The following GLMN variants were observed in gnomAD, a reference collection of about 807,000 sequenced individuals.
GLMN encodes the protein glomulin, FKBP associated protein.
A neutral mutation model predicts 87.8 loss-of-function variants in GLMN; 75 were observed. That is an observed-to-expected ratio of 0.85 (90% CI 0.71 to 1.04). GLMN has a LOEUF of 1.04. GLMN is among the 50% of genes least tolerant of loss of function. The pLI, the probability that GLMN is intolerant of heterozygous loss-of-function variation, is 0.00. For synonymous variants in GLMN, 206 were observed against 221.6 expected (o/e 0.93, Z 0.63); for missense variants, 588 against 658.8 (o/e 0.89, Z 1.18).
At position 92,291,535 on chromosome 1, in the gene GLMN, G is replaced by A. The variant is rs1649409300; in HGVS notation, c.168C>T (p.Val56=). 6.2e-7 allele frequency: 1 copy of A among 1,613,346 alleles called. No individual in the cohort carries two copies. The highest frequency in any genetic ancestry group is 1.3e-5 in the African/African-American group (1 of 74,872). Residue 56 remains valine, a splice_region_variant and synonymous_variant, in exon 4 of 19, where the codon GTC becomes GTT. Coordinates refer to ENST00000370360, the MANE Select transcript of GLMN (RefSeq NM_053274.3). ...LEIIQNEKNK[V]IIKNMGWNLV... ...GATTCCAGCCCATATTCTTGATGAT[G>A]ACCTGTAAAAACATTTTCAGAGTAA...
chr1:92,302,792 G>A (rs1650957323), upstream of GLMN, among the ~76,000 whole-genome samples: 2 of 151,388 alleles, frequency 1.3e-5, no homozygotes, highest in Admixed American at 1.3e-4. Context: ...AGTAGAGATG[G>A]GATTTCACTG....
chr1:92,343,107 T>G, the GLMN span, among the ~76,000 whole-genome samples: 1 of 151,214 alleles, frequency 6.6e-6, no homozygotes, highest in African/African-American at 2.4e-5. Context: ...AGAAGAGACC[T>G]AAGGCCAGAG....
chr1:92,343,000 T>C, the GLMN span, among the ~76,000 whole-genome samples: 3 of 152,194 alleles, frequency 2.0e-5, no homozygotes, highest in African/African-American at 7.2e-5. Flanking sequence ...AGACTAGAGC[T>C]AATACATTTG....
intron 16 of GLMN, among the ~76,000 whole-genome samples, chr1:92,251,954 C>T (rs938126186): frequency 1.3e-5 from 2 of 151,946 alleles, no homozygotes; most frequent in East Asian, 3.9e-4. Flanking sequence ...TGCCACCATG[C>T]CCAGCTAATT....
the GLMN span, among the ~76,000 whole-genome samples, chr1:92,356,381 A>G: frequency 6.6e-6 from 1 of 152,016 alleles, no homozygotes; most frequent in Non-Finnish European, 1.5e-5. Flanking sequence ...CATTTAAGGA[A>G]TTTTTTAGAA....
chr1:92,278,253 A>G (rs540598888), intron 7 of GLMN, among the ~76,000 whole-genome samples: 1 of 152,208 alleles, frequency 6.6e-6, no homozygotes, highest in Non-Finnish European at 1.5e-5. Context: ...AATACATATC[A>G]TATGTGATGG....
the GLMN span, among the ~76,000 whole-genome samples, chr1:92,360,315 A>C: frequency 6.6e-6 from 1 of 152,214 alleles, no homozygotes; most frequent in African/African-American, 2.4e-5. Flanking sequence ...ACCTTCAAGA[A>C]AGCAGTTTCT....
chr1:92,294,064 T>G (rs1649747228), intron 3 of GLMN, among the ~76,000 whole-genome samples: 1 of 151,838 alleles, frequency 6.6e-6, no homozygotes, highest in Admixed American at 6.6e-5. Flanking sequence ...AGGGTGACTA[T>G]AGTCAATAAC....
chr1:92,248,802 GATA>G (rs1653031349), intron 16 of GLMN, among the ~76,000 whole-genome samples: 3 of 152,038 alleles, frequency 2.0e-5, no homozygotes, highest in Non-Finnish European at 2.9e-5. Flanking sequence ...CTGAATAATT[GATA>G]ATATTAATGT....
chr1:92,323,701 A>G, the GLMN span: 3 of 1,613,934 alleles, frequency 1.9e-6, no homozygotes, highest in African/African-American at 4.0e-5. Context: ...CTCCAAACAC[A>G]AAGACAAAGA....
At chr1:92,348,990 C>G in the GLMN span, among the ~76,000 whole-genome samples, 3 of 152,308 alleles carry the variant, frequency 2.0e-5, no homozygotes, top group East Asian at 5.8e-4. Context: ...AAGGACGAAA[C>G]ACATGCACAC....
At chr1:92,323,835 G>T in the GLMN span, 2 of 1,614,006 alleles carry the variant, frequency 1.2e-6, no homozygotes, top group Middle Eastern at 1.6e-4. Context: ...ATAGCACTTT[G>T]CCTGAAAGAT....
At chr1:92,280,090 A>G (rs991734647) in intron 7 of GLMN, among the ~76,000 whole-genome samples, 2 of 152,242 alleles carry the variant, frequency 1.3e-5, no homozygotes, top group Admixed American at 1.3e-4. Flanking sequence ...CCTGTCTGAC[A>G]GCTCTGAAGA....
chr1:92,254,259 T>G (rs1653935067), intron 16 of GLMN, among the ~76,000 whole-genome samples: 1 of 152,254 alleles, frequency 6.6e-6, no homozygotes, highest in African/African-American at 2.4e-5. Flanking sequence ...CCAAGAAATA[T>G]GGGACTATGT....
chr1:92,314,206 A>G, the GLMN span, among the ~76,000 whole-genome samples: 1 of 152,190 alleles, frequency 6.6e-6, no homozygotes, highest in African/African-American at 2.4e-5. Flanking sequence ...AGCTTTTGAC[A>G]TGCCTTCCTC....
chr1:92,322,596 C>G, the GLMN span, among the ~76,000 whole-genome samples: 1 of 151,388 alleles, frequency 6.6e-6, no homozygotes, highest in African/African-American at 2.4e-5. Context: ...AAAGCTCAGC[C>G]GGGCACGGTG....
chr1:92,307,786 A>G, the GLMN span, among the ~76,000 whole-genome samples: 1 of 151,818 alleles, frequency 6.6e-6, no homozygotes. Context: ...TTGGGAAATG[A>G]TTTAAATACT....
At chr1:92,254,971 TAA>T (rs576542476) in intron 16 of GLMN, among the ~76,000 whole-genome samples, 245 of 151,764 alleles carry the variant, frequency 1.6e-3, no homozygotes, top group South Asian at 4.6e-3. Flanking sequence ...GCAAATTGAA[TAA>T]AGAGTCAAGA....
chr1:92,259,287 T>C (rs923822300), intron 16 of GLMN, among the ~76,000 whole-genome samples: 1 of 152,190 alleles, frequency 6.6e-6, no homozygotes, highest in African/African-American at 2.4e-5. Flanking sequence ...AAATAGATAA[T>C]ATTTGGTATA....
Sources: allele counts gnomAD v4.1 joint callset (sites outside exome capture counted in the v4.1 genomes callset), GRCh38; gene constraint gnomAD v4.1.1; transcripts MANE v1.5; gene names NCBI Gene and HGNC (gene_info 2026-07-23, HGNC 2026-07-21).